The following EDARADD variants were observed in gnomAD, a reference collection of about 807,000 sequenced individuals.
The protein encoded by EDARADD is EDAR associated via death domain.
EDARADD carries 20 observed loss-of-function variants against 25.6 expected under a neutral mutation model. That is an observed-to-expected ratio of 0.78 (90% CI 0.55 to 1.14). EDARADD has a LOEUF of 1.14. EDARADD is among the 50% of genes most tolerant of loss of function. The pLI is 0.00. For synonymous variants in EDARADD, 86 were observed against 94.4 expected (o/e 0.91, Z 0.52); for missense variants, 225 against 270.1 (o/e 0.83, Z 1.17).
chr1:236,445,234 C>CTTTTTTT (rs61333307), intron 4 of EDARADD, among the ~76,000 whole-genome samples: 4 of 89,698 alleles, frequency 4.5e-5, no homozygotes, highest in South Asian at 4.8e-4. Flanking sequence ...ATAATAAATT[C>CTTTTTTT]TTTTTTTTTT....
intron 4 of EDARADD, among the ~76,000 whole-genome samples, chr1:236,450,972 A>G (rs1658695889): frequency 6.6e-6 from 1 of 152,114 alleles, no homozygotes; most frequent in African/African-American, 2.4e-5. Context: ...TACTGATACT[A>G]CTATCTTGAC....
intron 3 of EDARADD, among the ~76,000 whole-genome samples, chr1:236,361,594 T>C (rs934978021): frequency 2.1e-5 from 3 of 146,098 alleles, no homozygotes; most frequent in African/African-American, 7.8e-5. Flanking sequence ...CCTCCCAAAG[T>C]GCTAGGATTA....
At chr1:236,412,151 C>T (rs1162269768) in intron 2 of EDARADD, among the ~76,000 whole-genome samples, 6 of 152,244 alleles carry the variant, frequency 3.9e-5, no homozygotes, top group East Asian at 1.9e-4. Flanking sequence ...CTTCTTAATA[C>T]GCCATGCCCT....
chr1:236,403,125 T>G (rs1165870821), intron 1 of EDARADD, among the ~76,000 whole-genome samples: 1 of 151,892 alleles, frequency 6.6e-6, no homozygotes, highest in Non-Finnish European at 1.5e-5. Context: ...CTGGCTAATT[T>G]TTGTATTTTT....
At chr1:236,441,722 G>T (rs1228078039) in intron 4 of EDARADD, among the ~76,000 whole-genome samples, 2 of 151,842 alleles carry the variant, frequency 1.3e-5, no homozygotes, top group African/African-American at 2.4e-5. Context: ...TAGAGACAGG[G>T]TTTCACCATA....
chr1:236,389,331 G>A (rs577389429), upstream of EDARADD, among the ~76,000 whole-genome samples: 4 of 152,116 alleles, frequency 2.6e-5, no homozygotes, highest in Non-Finnish European at 5.9e-5. Flanking sequence ...CCCACCCAGG[G>A]CATTCTAAGT....
intron 4 of EDARADD, among the ~76,000 whole-genome samples, chr1:236,430,909 A>T (rs1401549413): frequency 6.6e-6 from 1 of 152,180 alleles, no homozygotes; most frequent in Non-Finnish European, 1.5e-5. Flanking sequence ...CGAGGTCAGG[A>T]GTTTAAGACC....
At chr1:236,354,769 A>G (rs919167395) in intron 3 of EDARADD, among the ~76,000 whole-genome samples, 5 of 152,180 alleles carry the variant, frequency 3.3e-5, no homozygotes, top group African/African-American at 1.2e-4. Flanking sequence ...GACTGCACAC[A>G]CAAATTATCT....
At chr1:236,461,991 A>G (rs1659050481) in intron 4 of EDARADD, among the ~76,000 whole-genome samples, 1 of 152,214 alleles carries the variant, frequency 6.6e-6, no homozygotes, top group Non-Finnish European at 1.5e-5. Flanking sequence ...TTTAATAACA[A>G]TTCATGAACC....
Position 236,483,322 on chromosome 1 carries a change from A to G in EDARADD, c.*673A>G. 6.3e-7 allele frequency: 1 copy of G among 1,596,614 alleles called. No individual in the cohort carries two copies. The highest frequency in any genetic ancestry group is 1.3e-5 in the African/African-American group (1 of 74,542). ...GAGGTCCTAGAGCTCCAGGACAATG[A>G]TAAGACTCGCTATATGGGGAAGGGT... On this transcript the variant is annotated 3_prime_UTR_variant, in exon 6 of 6. Coordinates refer to ENST00000334232, the MANE Select transcript of EDARADD (RefSeq NM_145861.4).
intron 3 of EDARADD, among the ~76,000 whole-genome samples, chr1:236,421,783 G>A (rs1394894954): frequency 6.6e-6 from 1 of 152,078 alleles, no homozygotes; most frequent in Admixed American, 6.6e-5. Context: ...GGGATTACAG[G>A]TGTGAGCCCT....
chr1:236,461,761 G>A (rs1342804193), intron 4 of EDARADD, among the ~76,000 whole-genome samples: 2 of 152,166 alleles, frequency 1.3e-5, no homozygotes, highest in African/African-American at 4.8e-5. Context: ...GTCATAACAG[G>A]TGAACCAGCC....
intron 4 of EDARADD, among the ~76,000 whole-genome samples, chr1:236,454,052 C>CT (rs1201729690): frequency 5.4e-5 from 8 of 148,656 alleles, no homozygotes; most frequent in East Asian, 2.0e-4. Flanking sequence ...TTTTCTTTTT[C>CT]TTTTCTTTTT....
rs538041427 is a variant in EDARADD, at chr1:236,388,009, TA to T, written c.-5-21196del. On this transcript the variant is annotated intron_variant, in intron 3 of 7. Coordinates refer to the EDARADD transcript ENST00000439430. ...AAGAATTATCAATAAAAAAATAAATTAAAAAAAAAAATAATAATAATAATAA... is the reference window on the plus strand; with the variant it reads ...AAGAATTATCAATAAAAAAATAAATTAAAAAAAAAATAATAATAATAATAA... 7.5e-5 allele frequency among the ~76,000 whole-genome samples: 2 copies of T among 26,550 alleles called. 1 individual carries two copies. Among genetic ancestry groups the T allele is most frequent in the Non-Finnish European group, 1.6e-4 (2 of 12,492 alleles). The allele number at this position is 26,550 out of a possible 152,430, so 17.4% of individuals were successfully genotyped here. A position where few individuals can be genotyped will look rare whatever the true frequency, so the allele number is the denominator to read the frequency against.
chr1:236,383,845 A>C, intron 3 of EDARADD, among the ~76,000 whole-genome samples: 1 of 152,044 alleles, frequency 6.6e-6, no homozygotes, highest in East Asian at 1.9e-4. Flanking sequence ...CTGTACAAAA[A>C]GTTTAAGAAC....
At chr1:236,452,380 T>C (rs1398708285) in intron 4 of EDARADD, among the ~76,000 whole-genome samples, 1 of 152,168 alleles carries the variant, frequency 6.6e-6, no homozygotes, top group Non-Finnish European at 1.5e-5. Context: ...TCCCCATGTG[T>C]CTTAGGAGGG....
intron 4 of EDARADD, 105 bp from the exon 5 acceptor site, chr1:236,468,126 C>G: frequency 8.8e-7 from 1 of 1,141,220 alleles, no homozygotes; most frequent in Non-Finnish European, 1.3e-6. Context: ...TCCACCCACC[C>G]CAGCCCCCAG....
Position 236,483,409 on chromosome 1 carries a change from T to C in EDARADD, c.*760T>C. 1.7e-6 allele frequency: 2 copies of C among 1,201,970 alleles called. No individual in the cohort carries two copies. The highest frequency in any genetic ancestry group is 1.2e-5 in the South Asian group (1 of 82,806). 74.5% of individuals were successfully genotyped at this position (1,201,970 alleles called of 1,614,324 possible). ...GCACCTGTCCTGGTTAGCAAGAAACTGAACGTCACAGAACAAGAGAAGATT... is the reference window on the plus strand; with the variant it reads ...GCACCTGTCCTGGTTAGCAAGAAACCGAACGTCACAGAACAAGAGAAGATT... On this transcript the variant is annotated 3_prime_UTR_variant, in exon 6 of 6. Transcript: ENST00000334232.
At chr1:236,370,344 C>T (rs905658427) in intron 3 of EDARADD, among the ~76,000 whole-genome samples, 1 of 152,040 alleles carries the variant, frequency 6.6e-6, no homozygotes, top group Non-Finnish European at 1.5e-5. Flanking sequence ...TTGCTTGAAC[C>T]CGGGAGGCAG....
Sources: gnomAD v4.1 joint callset for allele counts (sites outside exome capture counted in the v4.1 genomes callset) on GRCh38, gnomAD v4.1.1 for gene constraint, MANE v1.5 for transcripts, NCBI Gene and HGNC (gene_info 2026-07-23, HGNC 2026-07-21) for gene names.